TTC7B: variants seen among roughly 807,000 people sequenced by gnomAD.
TTC7B encodes tetratricopeptide repeat protein 7B.
Under a neutral mutation model 106.8 loss-of-function variants are expected in TTC7B, and 28 were observed. That is an observed-to-expected ratio of 0.26 (90% confidence interval 0.19 to 0.36). The LOEUF (loss-of-function observed/expected upper bound fraction) is 0.36, where lower values mean the gene tolerates loss of function less well. Ranked by LOEUF, TTC7B falls within the 10% of genes least tolerant of loss-of-function variation. The pLI, the probability that TTC7B is intolerant of heterozygous loss-of-function variation, is 1.00. For synonymous variants in TTC7B, 405 were observed against 430.6 expected (o/e 0.94, Z 0.74); for missense variants, 862 against 1,076.4 (o/e 0.80, Z 2.79).
intron 18 of TTC7B, among the ~76,000 whole-genome samples, chr14:90,585,092 C>T (rs1235655942): frequency 1.3e-5 from 2 of 152,196 alleles, no homozygotes; most frequent in East Asian, 1.9e-4. Flanking sequence ...GAGCTTCCCT[C>T]GGCCAGGCCC....
At chr14:90,785,191 G>A (rs1254239793) in intron 2 of TTC7B, among the ~76,000 whole-genome samples, 2 of 152,154 alleles carry the variant, frequency 1.3e-5, no homozygotes, top group African/African-American at 2.4e-5. Context: ...GCAGGCTGGA[G>A]TTTGCAGTAC....
chr14:90,651,069 G>C (rs1885696087), intron 13 of TTC7B, among the ~76,000 whole-genome samples: 1 of 152,130 alleles, frequency 6.6e-6, no homozygotes, highest in African/African-American at 2.4e-5. Flanking sequence ...CAGAATTGTG[G>C]GGAGAATATT....
chr14:90,722,384 G>A (rs980352771), intron 5 of TTC7B, among the ~76,000 whole-genome samples: 1 of 152,084 alleles, frequency 6.6e-6, no homozygotes, highest in African/African-American at 2.4e-5. Context: ...TGGCTCTGGT[G>A]GCACTAGATT....
chr14:90,534,287 T>C lies in TTC7B; in HGVS notation c.*7081A>G, dbSNP rs1407356684. On this transcript the variant is annotated 3_prime_UTR_variant, in exon 20 of 20. Transcript: ENST00000328459. ...ACCACAAGTGTGGGAGGAATGTTAG[T>C]GGCGGGAACGGCCGCAGCCCTAAGG... The C allele has an allele frequency of 6.6e-6, 1 of 152,232 alleles. No homozygotes were observed. The highest frequency in any genetic ancestry group is 1.9e-4 in the East Asian group (1 of 5,176). The allele number at this position is 152,232 out of a possible 1,614,324, so 9.4% of individuals were successfully genotyped here. A position where few individuals can be genotyped will look rare whatever the true frequency, so the allele number is the denominator to read the frequency against.
Position 90,780,855 on chromosome 14 carries a change from C to T in TTC7B, c.328G>A (p.Glu110Lys), listed in dbSNP as rs957834039. The change falls in exon 3 of 20, where the codon GAA (glutamate) becomes AAA (lysine). Residue 110 changes from glutamate to lysine, a missense_variant. Transcript: ENST00000328459. ...NLIMAKLNYV[E>K]GDYKEALNIY... ...TTCAGAGCTTCTTTATAATCACCTT[C>T]CACATAATTCAACTTGGCCATGATC... is the stretch of plus-strand genomic sequence containing the variant. 3 of 1,614,236 alleles carry T rather than the reference C, an allele frequency of 1.9e-6. No individual in the cohort carries two copies. The East Asian group carries it at 6.7e-5, about 36-fold the overall frequency.
chr14:90,573,605 A>ACGGTCCCTCTCTG (rs1566777506), intron 19 of TTC7B, among the ~76,000 whole-genome samples: 41 of 127,182 alleles, frequency 3.2e-4, no homozygotes, highest in Non-Finnish European at 5.7e-4. Flanking sequence ...GGTCCCTCTC[A>ACGGTCCCTCTCTG]GCTCACGGTC....
intron 6 of TTC7B, 51 bp from the exon 7 acceptor site, chr14:90,689,763 T>C (rs1297781060): frequency 1.3e-6 from 2 of 1,573,210 alleles, no homozygotes; most frequent in African/African-American, 1.4e-5. Context: ...CTTGTATTAG[T>C]CATTCATTCA....
At chr14:90,568,042 T>C (rs1007065481) in intron 19 of TTC7B, among the ~76,000 whole-genome samples, 4 of 151,856 alleles carry the variant, frequency 2.6e-5, no homozygotes, top group African/African-American at 7.3e-5. Flanking sequence ...CACCAAATGG[T>C]GGGAAAGCAA....
chr14:90,593,935 A>C, intron 17 of TTC7B: 1 of 234,496 alleles, frequency 4.3e-6, no homozygotes, highest in Non-Finnish European at 8.2e-6. Flanking sequence ...TAAAAATCAA[A>C]TAAATGAAGT....
chr14:90,661,902 C>T (rs779981808), intron 9 of TTC7B, among the ~76,000 whole-genome samples: 4 of 152,146 alleles, frequency 2.6e-5, no homozygotes, highest in Non-Finnish European at 5.9e-5. Flanking sequence ...TCTTGCATGC[C>T]AAAGGCTAAC....
intron 6 of TTC7B, among the ~76,000 whole-genome samples, chr14:90,693,285 C>T (rs532812482): frequency 2.7e-4 from 41 of 151,946 alleles, no homozygotes; most frequent in Non-Finnish European, 5.0e-4. Flanking sequence ...AGAGGTCTAC[C>T]TAATGAACGT....
At chr14:90,559,774 C>T (rs1424180168) in intron 19 of TTC7B, among the ~76,000 whole-genome samples, 1 of 152,254 alleles carries the variant, frequency 6.6e-6, no homozygotes, top group African/African-American at 2.4e-5. Context: ...CCGTGTTGAA[C>T]CTGTATGACA....
At chr14:90,784,226 CCT>C (rs1482992783) in intron 2 of TTC7B, among the ~76,000 whole-genome samples, 1 of 152,048 alleles carries the variant, frequency 6.6e-6, no homozygotes, top group Non-Finnish European at 1.5e-5. Flanking sequence ...AAGACCTACC[CCT>C]GTGTCCACCT....
Position 90,586,925 on chromosome 14 carries a change from C to T in TTC7B, c.2107+6561G>A, listed in dbSNP as rs75010503. On this transcript the variant is annotated intron_variant, in intron 18 of 19. Coordinates refer to ENST00000328459, the MANE Select transcript of TTC7B (RefSeq NM_001010854.2). Reference sequence around the variant, plus strand: ...AGACTCAAGCCCCACACTCAGGTTTCCTTCTGTATTCCTCCTTTTCCTTCA... The same window carrying T: ...AGACTCAAGCCCCACACTCAGGTTTTCTTCTGTATTCCTCCTTTTCCTTCA... Among the ~76,000 whole-genome samples, 1,336 of 152,244 alleles carry T rather than the reference C, an allele frequency of 8.8e-3. 10 individuals carry two copies. Among genetic ancestry groups the T allele is most frequent in the Middle Eastern group, 0.024 (7 of 294 alleles).
rs1214420509 is a variant in TTC7B at position 90,540,579 on chromosome 14, G to A, written c.*789C>T. 1 of 153,752 alleles carries A rather than the reference G, an allele frequency of 6.5e-6. No individual in the cohort carries two copies. Among genetic ancestry groups the A allele is most frequent in the African/African-American group, 2.4e-5 (1 of 41,436 alleles). The allele number at this position is 153,752 out of a possible 1,614,324, so 9.5% of individuals were successfully genotyped here. The stretch of plus-strand genomic sequence containing the variant: ...TCTTTGAGCTTTTACGAATGACACA[G>A]GCTATGAGTCCATTTAAAAATCATT... On this transcript the variant is annotated 3_prime_UTR_variant, in exon 20 of 20. Coordinates refer to ENST00000328459, the MANE Select transcript of TTC7B (RefSeq NM_001010854.2).
At chr14:90,582,959 A>T (rs921598376) in intron 18 of TTC7B, among the ~76,000 whole-genome samples, 1 of 152,222 alleles carries the variant, frequency 6.6e-6, no homozygotes, top group Non-Finnish European at 1.5e-5. Context: ...TCACCCCAGG[A>T]TGTAGCCTTC....
chr14:90,736,660 G>C (rs1889540885), intron 4 of TTC7B, among the ~76,000 whole-genome samples: 1 of 152,008 alleles, frequency 6.6e-6, no homozygotes, highest in South Asian at 2.1e-4. Context: ...TAAGGCAGGA[G>C]GATTGCTTGA....
intron 17 of TTC7B, among the ~76,000 whole-genome samples, chr14:90,603,538 A>G (rs1479882680): frequency 1.3e-5 from 2 of 152,186 alleles, no homozygotes; most frequent in African/African-American, 4.8e-5. Context: ...CACCCAGCAC[A>G]TGAAAGCTGA....
intron 15 of TTC7B, among the ~76,000 whole-genome samples, chr14:90,622,343 T>C (rs1884243477): frequency 6.6e-6 from 1 of 151,988 alleles, no homozygotes; most frequent in South Asian, 2.1e-4. Context: ...GGCCTTGAAC[T>C]CCTGACCTCA....
Sources: gnomAD v4.1 joint callset for allele counts (sites outside exome capture counted in the v4.1 genomes callset) on GRCh38, gnomAD v4.1.1 for gene constraint, MANE v1.5 for transcripts, NCBI Gene and HGNC (gene_info 2026-07-23, HGNC 2026-07-21) for gene names.